The following B4GALT1 variants were observed in gnomAD, a reference collection of about 807,000 sequenced individuals.
The protein encoded by B4GALT1 is beta-1,4-galactosyltransferase 1, also known as N-acetyllactosamine synthase.
In B4GALT1, 16 loss-of-function variants were observed where a neutral mutation model predicts 34.9. The observed-to-expected ratio is 0.46, with a 90% CI of 0.31 to 0.70. The LOEUF (loss-of-function observed/expected upper bound fraction) is 0.70. B4GALT1 is among the 30% of genes least tolerant of loss of function. The probability of loss-of-function intolerance (pLI) is 0.05; values close to 1 mark genes in which losing one functional copy is unlikely to be tolerated. For missense variants in B4GALT1, 445 were observed against 530.5 expected, an observed-to-expected ratio of 0.84 and a Z score of 1.58; for synonymous variants, 221 against 218.1, an observed-to-expected ratio of 1.01 and a Z score of -0.12.
At chr9:33,138,346 G>C (rs1025039029) in intron 1 of B4GALT1, among the ~76,000 whole-genome samples, 1 of 152,158 alleles carries the variant, frequency 6.6e-6, no homozygotes, top group Non-Finnish European at 1.5e-5. Context: ...TTTGTAAACT[G>C]CAGGGACAGG....
the B4GALT1 span, among the ~76,000 whole-genome samples, chr9:33,184,257 C>G: frequency 7.0e-6 from 1 of 143,510 alleles, no homozygotes; most frequent in East Asian, 2.0e-4. Context: ...CTCTTGTACA[C>G]ACACACACAC....
chr9:33,108,499 G>C (rs1439994601), downstream of B4GALT1, among the ~76,000 whole-genome samples: 1 of 151,602 alleles, frequency 6.6e-6, no homozygotes, highest in African/African-American at 2.4e-5. Flanking sequence ...CTGAGGCACA[G>C]AGAGGCCAAG....
At chr9:33,152,226 C>G (rs994826453) in intron 1 of B4GALT1, among the ~76,000 whole-genome samples, 1 of 152,048 alleles carries the variant, frequency 6.6e-6, no homozygotes, top group African/African-American at 2.4e-5. Context: ...ATCGCTTGAA[C>G]CCAGGAGGCA....
At chr9:33,105,824 C>T (rs1224589159), downstream of B4GALT1, among the ~76,000 whole-genome samples, 3 of 148,338 alleles carry the variant, frequency 2.0e-5, no homozygotes, top group Non-Finnish European at 4.4e-5. Context: ...TAAGGCTGAC[C>T]GATATTCCAT....
At chr9:33,125,883 C>T (rs1840085069) in intron 2 of B4GALT1, among the ~76,000 whole-genome samples, 1 of 152,128 alleles carries the variant, frequency 6.6e-6, no homozygotes, top group Non-Finnish European at 1.5e-5. Flanking sequence ...TGTATATCAG[C>T]AGACACATCC....
At chr9:33,116,241 T>A (rs78658527) in intron 3 of B4GALT1, 128 bp from the exon 4 acceptor site, 2 of 2,038 alleles carry the variant, frequency 9.8e-4, no homozygotes, top group Non-Finnish European at 0.014. Flanking sequence ...TTTTTATTTA[T>A]TTTTTTTTTG....
rs889166828 is a variant in B4GALT1, at chr9:33,133,070, T to G, written c.648+2119A>C. On this transcript the variant is annotated intron_variant, in intron 2 of 5. Coordinates refer to ENST00000379731, the MANE Select transcript of B4GALT1 (RefSeq NM_001497.4). ...GCCGCCCACCACTATGTCCAGCTAA[T>G]TTTTGTATTTTTAGTAGAGACGGGG... Among the ~76,000 whole-genome samples, 6 of 152,060 alleles carry G rather than the reference T, an allele frequency of 3.9e-5. No homozygotes were observed. In the East Asian group the frequency reaches 1.2e-3, roughly 29 times the overall value.
At chr9:33,122,159 T>G (rs34888597) in intron 2 of B4GALT1, among the ~76,000 whole-genome samples, 1 of 150,720 alleles carries the variant, frequency 6.6e-6, no homozygotes, top group Non-Finnish European at 1.5e-5. Context: ...AAGTGTGTCA[T>G]AGGGGCTTGC....
chr9:33,166,477 G>C (rs1564055902), intron 1 of B4GALT1, among the ~76,000 whole-genome samples: 1 of 152,322 alleles, frequency 6.6e-6, no homozygotes, highest in East Asian at 1.9e-4. Flanking sequence ...GGCCACAGCA[G>C]GGAAGTCTCC....
chr9:33,145,201 C>A (rs1840408431), intron 1 of B4GALT1, among the ~76,000 whole-genome samples: 1 of 151,996 alleles, frequency 6.6e-6, no homozygotes, highest in Non-Finnish European at 1.5e-5. Context: ...CACCCCCCAA[C>A]CCCTCCAGCA....
chr9:33,121,509 T>C (rs1406596441), intron 2 of B4GALT1, among the ~76,000 whole-genome samples: 1 of 148,976 alleles, frequency 6.7e-6, no homozygotes, highest in Non-Finnish European at 1.5e-5. Context: ...ATTACAGGCA[T>C]GTGCCACCAT....
chr9:33,178,683 C>T, the B4GALT1 span, among the ~76,000 whole-genome samples: 1 of 152,224 alleles, frequency 6.6e-6, no homozygotes, highest in Non-Finnish European at 1.5e-5. Flanking sequence ...TGTCTACAGT[C>T]TGTTGGGATA....
chr9:33,143,949 T>G (rs1192598648), intron 1 of B4GALT1, among the ~76,000 whole-genome samples: 1 of 151,708 alleles, frequency 6.6e-6, no homozygotes, highest in Non-Finnish European at 1.5e-5. Flanking sequence ...GCCAGCTCAC[T>G]GCAGCCTCAA....
At chr9:33,149,732 A>C (rs570161281) in intron 1 of B4GALT1, among the ~76,000 whole-genome samples, 1 of 152,234 alleles carries the variant, frequency 6.6e-6, no homozygotes, top group South Asian at 2.1e-4. Flanking sequence ...AGAAGAACTC[A>C]GCATCATTTC....
intron 1 of B4GALT1, among the ~76,000 whole-genome samples, chr9:33,142,286 G>T (rs1840364280): frequency 6.6e-6 from 1 of 152,096 alleles, no homozygotes; most frequent in South Asian, 2.1e-4. Flanking sequence ...CGGCTGGTTT[G>T]TTTCTTAAAT....
chr9:33,161,562 C>A (rs1158759819), intron 1 of B4GALT1, among the ~76,000 whole-genome samples: 1 of 152,156 alleles, frequency 6.6e-6, no homozygotes, highest in African/African-American at 2.4e-5. Flanking sequence ...TAATCCCATG[C>A]CTTGTTAATT....
the B4GALT1 span, among the ~76,000 whole-genome samples, chr9:33,177,053 T>A: frequency 6.6e-6 from 1 of 152,318 alleles, no homozygotes; most frequent in East Asian, 1.9e-4. Flanking sequence ...TCTGGCTGTA[T>A]ATAATGCCCT....
intron 4 of B4GALT1, 57 bp from the exon 5 acceptor site, chr9:33,113,935 A>G: frequency 4.6e-6 from 7 of 1,511,576 alleles, no homozygotes; most frequent in Non-Finnish European, 6.4e-6. Context: ...TTGGCCTGAG[A>G]GCCCCGGCTG....
intron 1 of B4GALT1, among the ~76,000 whole-genome samples, chr9:33,158,125 C>T (rs1454857750): frequency 6.6e-6 from 1 of 152,018 alleles, no homozygotes; most frequent in African/African-American, 2.4e-5. Context: ...CCAGGTTTTC[C>T]CCCCCACTCG....
Sources: gnomAD v4.1 joint callset for allele counts (sites outside exome capture counted in the v4.1 genomes callset) on GRCh38, gnomAD v4.1.1 for gene constraint, MANE v1.5 for transcripts, NCBI Gene and HGNC (gene_info 2026-07-23, HGNC 2026-07-21) for gene names.